INPP4B: variants seen among roughly 807,000 people sequenced by gnomAD.
INPP4B encodes the protein inositol polyphosphate 4-phosphatase type II.
INPP4B carries 55 observed loss-of-function variants against 122.5 expected under a neutral mutation model. The ratio of observed to expected loss-of-function variants is 0.45; its 90% CI spans 0.36 to 0.56. The LOEUF (loss-of-function observed/expected upper bound fraction) is 0.56, where lower values mean the gene tolerates loss of function less well. Among genes scored for constraint, INPP4B ranks in the 20% least tolerant of loss-of-function variants. INPP4B has a pLI of 0.00. For synonymous variants in INPP4B, 403 were observed against 388.7 expected, an observed-to-expected ratio of 1.04 and a Z score of -0.43; for missense variants, 1,000 against 1,097.7, an observed-to-expected ratio of 0.91 and a Z score of 1.26.
intron 7 of INPP4B, among the ~76,000 whole-genome samples, chr4:142,322,495 G>A (rs1030724553): frequency 2.0e-5 from 3 of 152,284 alleles, no homozygotes; most frequent in African/African-American, 7.2e-5. Flanking sequence ...AGGAATTGGA[G>A]AGGACTCTGG....
intron 2 of INPP4B, among the ~76,000 whole-genome samples, chr4:142,611,842 T>C (rs1033242399): frequency 1.3e-5 from 2 of 151,828 alleles, no homozygotes. Flanking sequence ...CTAATTTTTG[T>C]AATTTTAGTA....
intron 18 of INPP4B, among the ~76,000 whole-genome samples, chr4:142,140,000 C>T (rs1466761856): frequency 6.6e-6 from 1 of 152,102 alleles, no homozygotes. Flanking sequence ...TAACTGAAGG[C>T]AGACAGAGAT....
chr4:142,034,796 C>T (rs1389986052), intron 25 of INPP4B, among the ~76,000 whole-genome samples: 2 of 152,174 alleles, frequency 1.3e-5, no homozygotes, highest in African/African-American at 2.4e-5. Flanking sequence ...TTACTCATAA[C>T]TAACTTCTCC....
chr4:142,461,677 C>T (rs1303365867), intron 3 of INPP4B, among the ~76,000 whole-genome samples: 3 of 152,096 alleles, frequency 2.0e-5, no homozygotes, highest in Non-Finnish European at 4.4e-5. Flanking sequence ...AAAAGCAGGC[C>T]AGTCTCAGGT....
At chr4:142,369,324 C>T (rs1014371332) in intron 7 of INPP4B, among the ~76,000 whole-genome samples, 1 of 152,028 alleles carries the variant, frequency 6.6e-6, no homozygotes, top group Non-Finnish European at 1.5e-5. Flanking sequence ...TAACTCATGC[C>T]TGTAATTCCA....
At chr4:142,594,637 T>C (rs779863213) in intron 2 of INPP4B, among the ~76,000 whole-genome samples, 16 of 152,066 alleles carry the variant, frequency 1.1e-4, no homozygotes, top group Non-Finnish European at 1.9e-4. Flanking sequence ...AACATTTAGA[T>C]GTTATAATTC....
At chr4:142,225,073 A>T (rs2149757200) in intron 12 of INPP4B, among the ~76,000 whole-genome samples, 1 of 152,184 alleles carries the variant, frequency 6.6e-6, no homozygotes, top group South Asian at 2.1e-4. Context: ...CTGGGCTGAG[A>T]GAGGAAGACC....
At chr4:142,204,849 G>C (rs1293886143) in intron 14 of INPP4B, among the ~76,000 whole-genome samples, 1 of 151,968 alleles carries the variant, frequency 6.6e-6, no homozygotes, top group Admixed American at 6.6e-5. Flanking sequence ...ATGACATTTT[G>C]ATTTCAGACT....
rs144015522 is a variant in INPP4B at position 142,314,696 on chromosome 4, C to T, written c.423+16G>A. The T allele has an allele frequency of 5.0e-4, 793 of 1,600,642 alleles. 4 individuals carry two copies. The African/African-American group carries it at 8.7e-3, about 18-fold the overall frequency. ...AAGTGATGTGTGTGCCTTCTGGAAA[C>T]GTTAGAAACACTTACCCCAACTTCT... On this transcript the variant is annotated intron_variant, in intron 8 of 25. Coordinates refer to ENST00000262992, the MANE Select transcript of INPP4B (RefSeq NM_001101669.3).
At chr4:142,631,076 T>C (rs1580559298) in intron 2 of INPP4B, among the ~76,000 whole-genome samples, 2 of 152,076 alleles carry the variant, frequency 1.3e-5, no homozygotes, top group East Asian at 1.9e-4. Flanking sequence ...ATCCAAAATA[T>C]GGACACAAGG....
chr4:142,687,156 GC>G (rs1759466180), intron 2 of INPP4B, among the ~76,000 whole-genome samples: 1 of 151,986 alleles, frequency 6.6e-6, no homozygotes, highest in Non-Finnish European at 1.5e-5. Flanking sequence ...AAACAAAAGA[GC>G]ATATGAATTG....
intron 7 of INPP4B, among the ~76,000 whole-genome samples, chr4:142,320,130 C>G (rs1769438418): frequency 1.3e-5 from 2 of 152,218 alleles, no homozygotes; most frequent in South Asian, 4.1e-4. Context: ...AGGCCACACA[C>G]CAGCAGCCCT....
chr4:142,425,531 C>G (rs900294075), intron 5 of INPP4B, among the ~76,000 whole-genome samples: 1 of 151,732 alleles, frequency 6.6e-6, no homozygotes, highest in Admixed American at 6.6e-5. Flanking sequence ...ATTATAAGAA[C>G]CCTATTATGT....
At chr4:142,209,454 T>C (rs1843936016) in intron 12 of INPP4B, among the ~76,000 whole-genome samples, 3 of 151,988 alleles carry the variant, frequency 2.0e-5, no homozygotes, top group South Asian at 2.1e-4. Flanking sequence ...AGATACTTAG[T>C]CAATTCAGTT....
intron 2 of INPP4B, among the ~76,000 whole-genome samples, chr4:142,555,444 C>T (rs1256044866): frequency 1.3e-5 from 2 of 152,086 alleles, no homozygotes; most frequent in Admixed American, 6.6e-5. Context: ...TAAGATTTGG[C>T]TACAATGCAG....
At chr4:142,576,782 C>G (rs1733948714) in intron 2 of INPP4B, among the ~76,000 whole-genome samples, 2 of 151,964 alleles carry the variant, frequency 1.3e-5, no homozygotes. Context: ...TGTTCAAATA[C>G]AAGGAACAGT....
chr4:142,439,614 A>T (rs913124831), intron 3 of INPP4B, among the ~76,000 whole-genome samples: 1 of 152,226 alleles, frequency 6.6e-6, no homozygotes, highest in Non-Finnish European at 1.5e-5. Flanking sequence ...AAGAATGCAC[A>T]AAGTCAAGAG....
At chr4:142,089,944 C>T (rs549673726) in intron 23 of INPP4B, among the ~76,000 whole-genome samples, 5 of 152,284 alleles carry the variant, frequency 3.3e-5, no homozygotes, top group Admixed American at 2.0e-4. Flanking sequence ...AACTTTGTCT[C>T]TTAACTGCTG....
At chr4:142,075,543 T>C (rs1409311871) in intron 25 of INPP4B, among the ~76,000 whole-genome samples, 2 of 152,022 alleles carry the variant, frequency 1.3e-5, no homozygotes, top group Non-Finnish European at 2.9e-5. Context: ...CAAATGTTAA[T>C]CCTGAGACTT....
Sources: allele counts gnomAD v4.1 joint callset (sites outside exome capture counted in the v4.1 genomes callset), GRCh38; gene constraint gnomAD v4.1.1; transcripts MANE v1.5; gene names NCBI Gene and HGNC (gene_info 2026-07-23, HGNC 2026-07-21).